The following LIMK1 variants were observed in gnomAD, a reference collection of about 807,000 sequenced individuals.
The protein encoded by LIMK1 is LIM motif-containing protein kinase.
Under a neutral mutation model 77.6 loss-of-function variants are expected in LIMK1, and 21 were observed. The ratio of observed to expected loss-of-function variants is 0.27; its 90% CI spans 0.19 to 0.39. LIMK1 has a LOEUF of 0.39. LIMK1 is among the 10% of genes least tolerant of loss of function. The probability of loss-of-function intolerance (pLI) is 1.00; values close to 1 mark genes in which losing one functional copy is unlikely to be tolerated. For synonymous variants in LIMK1, 358 were observed against 370.0 expected, an observed-to-expected ratio of 0.97 and a Z score of 0.37; for missense variants, 696 against 901.6, an observed-to-expected ratio of 0.77 and a Z score of 2.92.
chr7:74,094,720 A>C (rs1799306088), intron 2 of LIMK1, among the ~76,000 whole-genome samples: 1 of 151,940 alleles, frequency 6.6e-6, no homozygotes, highest in Admixed American at 6.6e-5. Flanking sequence ...CCCCTCACCA[A>C]CTTCCGTCCT....
Position 74,121,020 on chromosome 7 carries a change from G to T in LIMK1, c.1752G>T (p.Val584=). The T allele has an allele frequency of 6.2e-7, 1 of 1,604,916 alleles. No individual in the cohort carries two copies. Among genetic ancestry groups the T allele is most frequent in the Non-Finnish European group, 8.5e-7 (1 of 1,175,610 alleles). The change falls in exon 15 of 16, where the codon GTG becomes GTT. Residue 584 remains valine, a synonymous_variant. Coordinates refer to ENST00000336180, the MANE Select transcript of LIMK1 (RefSeq NM_002314.4). ...CCCCGAGCTTCTTCCCCATCACCGT[G>T]CGCTGTTGCGATCTGGACCCCGAGA... is the stretch of plus-strand genomic sequence containing the variant. ...NCPPSFFPIT[V]RCCDLDPEKR...
At chr7:74,093,254 T>G (rs902512346) in intron 2 of LIMK1, 3 of 1,536,014 alleles carry the variant, frequency 2.0e-6, no homozygotes, top group Non-Finnish European at 2.6e-6. Flanking sequence ...CAGAGGATGC[T>G]GTTGGCTTCA....
intron 9 of LIMK1, among the ~76,000 whole-genome samples, 154 bp from the exon 10 acceptor site, chr7:74,108,751 G>A (rs1799634581): frequency 1.3e-5 from 2 of 151,830 alleles, no homozygotes; most frequent in Admixed American, 6.6e-5. Context: ...GGCACAGGAC[G>A]CCAGAGGGTG....
In LIMK1 at chr7:74,111,964, G is replaced by A; in HGVS notation, c.1376G>A (p.Arg459Gln). The part of the protein sequence containing the change: ...AYLHSMNIIH[R>Q]DLNSHNCLVR... ...CTCCACTCCATGAACATCATCCACC[G>A]AGACCTCAACTCCCACAACTGCCTG... Residue 459 changes from arginine (R) to glutamine (Q), a missense_variant, in exon 12 of 16, where the codon CGA becomes CAA. Physicochemically the swap from Arg to Gln is conservative, Grantham distance 43. This residue lies in a region of LIMK1 where 438 missense variants were observed against 602.3 expected (regional missense o/e 0.73). Coordinates refer to ENST00000336180, the MANE Select transcript of LIMK1 (RefSeq NM_002314.4). 1.9e-6 allele frequency: 3 copies of A among 1,612,570 alleles called. No homozygotes were observed. Among genetic ancestry groups the A allele is most frequent in the Non-Finnish European group, 2.5e-6 (3 of 1,179,664 alleles).
chr7:74,099,712 G>T (rs1361610865), intron 5 of LIMK1, among the ~76,000 whole-genome samples: 1 of 151,890 alleles, frequency 6.6e-6, no homozygotes, highest in East Asian at 1.9e-4. Flanking sequence ...TGGGCAACAA[G>T]AGTGTAACTC....
chr7:74,084,904 A>G (rs1563909082), intron 1 of LIMK1, among the ~76,000 whole-genome samples: 1 of 151,630 alleles, frequency 6.6e-6, no homozygotes, highest in Non-Finnish European at 1.5e-5. Flanking sequence ...GCCCATGAAA[A>G]CCTGATTGGG....
At position 74,109,230 on chromosome 7, in the gene LIMK1, C is replaced by T. The variant is rs1554698264; in HGVS notation, c.1284+194C>T. 3 of 553,980 alleles carry T rather than the reference C, an allele frequency of 5.4e-6. No individual in the cohort carries two copies. The East Asian group carries it at 1.0e-4, about 19-fold the overall frequency. The allele number at this position is 553,980 out of a possible 1,614,324, so 34.3% of individuals were successfully genotyped here. A position where few individuals can be genotyped will look rare whatever the true frequency, so the allele number is the denominator to read the frequency against. On this transcript the variant is annotated intron_variant, in intron 10 of 15. Transcript: ENST00000336180. ...CTAGGAAAGGCCAGGTACAATGGTGCACACCTGTTATTCTGGCACTTTGGG... is the reference window on the plus strand; with the variant it reads ...CTAGGAAAGGCCAGGTACAATGGTGTACACCTGTTATTCTGGCACTTTGGG...
chr7:74,116,921 T>A (rs1277494505), intron 13 of LIMK1, among the ~76,000 whole-genome samples: 2 of 151,806 alleles, frequency 1.3e-5, no homozygotes, highest in Non-Finnish European at 2.9e-5. Context: ...TCGCTGTGTC[T>A]CCCAGGCTAG....
At chr7:74,090,213 A>C (rs553538874) in intron 2 of LIMK1, among the ~76,000 whole-genome samples, 3 of 152,146 alleles carry the variant, frequency 2.0e-5, no homozygotes, top group East Asian at 3.9e-4. Flanking sequence ...CATCTCTACT[A>C]AAAATACAAA....
chr7:74,098,447 C>T (rs1799378846), intron 4 of LIMK1, among the ~76,000 whole-genome samples: 2 of 152,182 alleles, frequency 1.3e-5, no homozygotes, highest in Admixed American at 1.3e-4. Context: ...CTTGTCCTGG[C>T]CGCCTTACAG....
Position 74,097,142 on chromosome 7 carries a change from C to A in LIMK1, c.354C>A (p.Ile118=). Reference sequence around the variant, plus strand: ...TCTGCCTCACGTGTGGGACCTTTATCGGTGACGGGGACACCTACACGCTGG... The same window carrying A: ...TCTGCCTCACGTGTGGGACCTTTATAGGTGACGGGGACACCTACACGCTGG... ...CFICLTCGTF[I]GDGDTYTLVE... Residue 118 remains isoleucine, a synonymous_variant, in exon 4 of 16, where the codon ATC becomes ATA. Coordinates refer to ENST00000336180, the MANE Select transcript of LIMK1 (RefSeq NM_002314.4). 1.9e-6 allele frequency: 3 copies of A among 1,613,404 alleles called. No homozygotes were observed. Among genetic ancestry groups the A allele is most frequent in the Non-Finnish European group, 2.5e-6 (3 of 1,179,868 alleles).
chr7:74,106,386 C>G, intron 7 of LIMK1, 143 bp downstream of exon 7: 1 of 817,422 alleles, frequency 1.2e-6, no homozygotes, highest in South Asian at 1.7e-5. Context: ...AGTAAGCTGT[C>G]ATCACACCAC....
At chr7:74,108,010 C>A in intron 9 of LIMK1, 53 bp downstream of exon 9, 1 of 1,326,808 alleles carries the variant, frequency 7.5e-7, no homozygotes, top group Non-Finnish European at 1.1e-6. Flanking sequence ...GGTGCTCACC[C>A]CTGCCCCATC....
At chr7:74,099,297 G>A (rs1182845914) in intron 5 of LIMK1, 59 bp downstream of exon 5, 50 of 1,512,060 alleles carry the variant, frequency 3.3e-5, no homozygotes, top group Non-Finnish European at 4.4e-5. Context: ...GATGTGGGTG[G>A]CAGAGTCTGG....
rs1204834024 is a variant in LIMK1 at position 74,085,806 on chromosome 7, C to T, written c.114C>T (p.Leu38=). ...AGAGGATCTATGATGGCCAGTACCTCCAGGCCCTGAACGCGGACTGGCACG... is the reference window on the plus strand; with the variant it reads ...AGAGGATCTATGATGGCCAGTACCTTCAGGCCCTGAACGCGGACTGGCACG... ...CGQRIYDGQY[L]QALNADWHAD... is the part of the protein sequence containing the mutation. The change falls in exon 2 of 16, where the codon CTC becomes CTT. Residue 38 remains leucine (L), a synonymous_variant. Coordinates refer to ENST00000336180, the MANE Select transcript of LIMK1 (RefSeq NM_002314.4). The T allele has an allele frequency of 3.8e-6, 6 of 1,563,388 alleles. No individual in the cohort carries two copies. The highest frequency in any genetic ancestry group is 5.2e-6 in the Non-Finnish European group (6 of 1,153,598).
At chr7:74,106,979 G>C (rs781845721) in intron 7 of LIMK1, 31 bp from the exon 8 acceptor site, 2 of 1,528,198 alleles carry the variant, frequency 1.3e-6, no homozygotes, top group East Asian at 2.4e-5. Flanking sequence ...CCTGTCCCCC[G>C]GTGGCACTTG....
chr7:74,097,581 C>A (rs1799361921), intron 4 of LIMK1, among the ~76,000 whole-genome samples: 2 of 152,212 alleles, frequency 1.3e-5, no homozygotes, highest in African/African-American at 4.8e-5. Flanking sequence ...GAGGCTGAGG[C>A]AGGAGACTCT....
intron 2 of LIMK1, among the ~76,000 whole-genome samples, chr7:74,087,757 G>A (rs1799159952): frequency 6.6e-6 from 1 of 151,818 alleles, no homozygotes; most frequent in Non-Finnish European, 1.5e-5. Flanking sequence ...GCCCGGCTAA[G>A]TTTTGTATTT....
In LIMK1 at chr7:74,099,182, C is replaced by G. The variant is rs545304197; in HGVS notation, c.552C>G (p.Pro184=). 1.7e-5 allele frequency: 28 copies of G among 1,611,986 alleles called. No individual in the cohort carries two copies. The South Asian group carries it at 2.7e-4, about 16-fold the overall frequency. Residue 184 remains proline, a synonymous_variant, in exon 5 of 16, where the codon CCC becomes CCG. Coordinates refer to ENST00000336180, the MANE Select transcript of LIMK1 (RefSeq NM_002314.4). ...GTGGACTTTCAGTCTCCATTGACCC[C>G]CCGCACGGCCCACCGGGCTGTGGCA... ...GKRGLSVSID[P]PHGPPGCGTE...
Sources: allele counts gnomAD v4.1 joint callset (sites outside exome capture counted in the v4.1 genomes callset), GRCh38; gene constraint gnomAD v4.1.1; regional missense constraint gnomAD v4.1.1; transcripts MANE v1.5; gene names NCBI Gene and HGNC (gene_info 2026-07-23, HGNC 2026-07-21).